The following MAST4 variants were observed in gnomAD, a reference collection of about 807,000 sequenced individuals.
MAST4 encodes microtubule-associated serine/threonine-protein kinase 4.
MAST4 carries 89 observed loss-of-function variants against 162.7 expected under a neutral mutation model. That is an observed-to-expected ratio of 0.55 (90% CI 0.46 to 0.65). The LOEUF (loss-of-function observed/expected upper bound fraction) is 0.65, where lower values mean the gene tolerates loss of function less well. MAST4 is among the 30% of genes least tolerant of loss of function. The pLI is 0.00. For synonymous variants in MAST4, 1,479 were observed against 1,361.1 expected, an observed-to-expected ratio of 1.09 and a Z score of -1.91; for missense variants, 3,153 against 3,374.0, an observed-to-expected ratio of 0.93 and a Z score of 1.62.
In MAST4 at chr5:67,142,548, G is replaced by T. The variant is rs1204425456; in HGVS notation, c.2730+15G>T. 4.1e-6 allele frequency: 6 copies of T among 1,477,532 alleles called. No homozygotes were observed. Among genetic ancestry groups the T allele is most frequent in the Non-Finnish European group, 3.7e-6 (4 of 1,076,058 alleles). 91.5% of individuals were successfully genotyped at this position (1,477,532 alleles called of 1,614,324 possible). Reference sequence around the variant, plus strand: ...GGTTTTCAAAAGTAAGTGAAATGTGGCATAAACATACAGAGTCTCTCTGGG... The same window carrying T: ...GGTTTTCAAAAGTAAGTGAAATGTGTCATAAACATACAGAGTCTCTCTGGG... On this transcript the variant is annotated intron_variant, in intron 21 of 28. Coordinates refer to ENST00000403625, the MANE Select transcript of MAST4 (RefSeq NM_001164664.2).
chr5:67,116,155 T>A (rs912814996), intron 12 of MAST4, among the ~76,000 whole-genome samples: 1 of 152,048 alleles, frequency 6.6e-6, no homozygotes, highest in African/African-American at 2.4e-5. Flanking sequence ...TTTTTAACTC[T>A]TGACAATTTA....
rs180734903 is a variant in MAST4, at chr5:66,782,054, T to A, written c.518-6616T>A. ...TAACACTCCCAGCACTTTGGGAGGC[T>A]GAGGTGGGTGGATCACTTGAGGTCA... On this transcript the variant is annotated intron_variant, in intron 2 of 28. Coordinates refer to ENST00000403625, the MANE Select transcript of MAST4 (RefSeq NM_001164664.2). 8.9e-3 allele frequency among the ~76,000 whole-genome samples: 1,357 copies of A among 152,126 alleles called. 23 individuals carry two copies. The highest frequency in any genetic ancestry group is 0.031 in the African/African-American group (1,300 of 41,508).
At chr5:66,701,818 AT>A (rs59684943) in intron 1 of MAST4, among the ~76,000 whole-genome samples, 2 of 151,770 alleles carry the variant, frequency 1.3e-5, no homozygotes, top group South Asian at 2.1e-4. Context: ...AGGTTATAGG[AT>A]TTTTTTTAAT....
chr5:66,807,697 AC>A (rs147418059), intron 3 of MAST4, among the ~76,000 whole-genome samples: 2,322 of 151,906 alleles, frequency 0.015, 60 homozygotes, highest in African/African-American at 0.052. Flanking sequence ...GCATTCTCAT[AC>A]TCATGGGAAC....
chr5:67,030,733 C>G (rs1755208636), intron 4 of MAST4, among the ~76,000 whole-genome samples: 1 of 152,138 alleles, frequency 6.6e-6, no homozygotes, highest in African/African-American at 2.4e-5. Flanking sequence ...TCTAAGTGTT[C>G]TGTACCTCAG....
intron 1 of MAST4, among the ~76,000 whole-genome samples, chr5:66,706,494 T>C (rs1036463089): frequency 1.3e-5 from 2 of 152,202 alleles, no homozygotes; most frequent in Non-Finnish European, 2.9e-5. Flanking sequence ...TTAAGGGACA[T>C]TTAGTACTTA....
intron 1 of MAST4, among the ~76,000 whole-genome samples, chr5:66,682,655 C>G (rs1012731092): frequency 6.6e-6 from 1 of 152,154 alleles, no homozygotes; most frequent in Non-Finnish European, 1.5e-5. Context: ...GGTATTGTTG[C>G]CTTAGAGAGT....
At chr5:66,635,664 G>C (rs1053495464) in intron 1 of MAST4, among the ~76,000 whole-genome samples, 1 of 151,858 alleles carries the variant, frequency 6.6e-6, no homozygotes, top group African/African-American at 2.4e-5. Context: ...ATAGAAACTT[G>C]ACCCATAAGA....
intron 12 of MAST4, among the ~76,000 whole-genome samples, chr5:67,115,877 G>T (rs1309186457): frequency 1.6e-4 from 23 of 144,056 alleles, no homozygotes; most frequent in Non-Finnish European, 2.8e-4. Context: ...CTTTTAATTT[G>T]TTTTTTTTTT....
At chr5:67,019,981 G>A (rs1253665723) in intron 4 of MAST4, among the ~76,000 whole-genome samples, 1 of 152,186 alleles carries the variant, frequency 6.6e-6, no homozygotes, top group Non-Finnish European at 1.5e-5. Context: ...AGGTTCCAAA[G>A]TAGGACAACC....
At position 66,648,067 on chromosome 5, in the gene MAST4, TGTGTGTGTGTGTGTGTGAGAGA is replaced by T. The variant is rs922270938; in HGVS notation, c.363+51051_363+51072del. On this transcript the variant is annotated intron_variant, in intron 1 of 28. Coordinates refer to ENST00000403625, the MANE Select transcript of MAST4 (RefSeq NM_001164664.2). ...GTGTGTGTGTGTGTGTGTGTGTGTG[TGTGTGTGTGTGTGTGTGAGAGA>T]GAGAGAGAGAGAGAGATTTAGTATT... Among the ~76,000 whole-genome samples, 12 of 117,362 alleles carry T rather than the reference TGTGTGTGTGTGTGTGTGAGAGA, an allele frequency of 1.0e-4. 1 individual carries two copies. The highest frequency in any genetic ancestry group is 2.7e-4 in the African/African-American group (8 of 30,182). 77.0% of individuals were successfully genotyped at this position (117,362 alleles called of 152,430 possible).
intron 4 of MAST4, among the ~76,000 whole-genome samples, chr5:66,918,827 G>GAT (rs1475123533): frequency 6.6e-6 from 1 of 152,024 alleles, no homozygotes; most frequent in Admixed American, 6.6e-5. Context: ...ATTATTGAAT[G>GAT]ATATATATAA....
At chr5:66,609,710 TTTTTTTTTGTTTTG>T (rs1354258083) in intron 1 of MAST4, among the ~76,000 whole-genome samples, 1 of 106,858 alleles carries the variant, frequency 9.4e-6, no homozygotes, top group Non-Finnish European at 2.0e-5. Flanking sequence ...TTTTTGTTTT[TTTTTTTTTGTTTTG>T]TTTTTAAAAC....
rs112514235 is a variant in MAST4, at chr5:66,874,324, T to C, written c.643-25627T>C. ...TAAAGGCCTCTGTTAAATAAAAATC[T>C]ATTTGATATGGGAGCATCAGGGACA... On this transcript the variant is annotated intron_variant, in intron 3 of 28. Transcript: ENST00000403625. Among the ~76,000 whole-genome samples the C allele has an allele frequency of 7.7e-3, 1,170 of 152,306 alleles. 20 individuals carry two copies. The highest frequency in any genetic ancestry group is 0.027 in the African/African-American group (1,112 of 41,554).
intron 2 of MAST4, among the ~76,000 whole-genome samples, chr5:66,764,619 A>G (rs1561315443): frequency 1.3e-5 from 2 of 152,162 alleles, no homozygotes; most frequent in Non-Finnish European, 2.9e-5. Flanking sequence ...CTTAGTTTTT[A>G]AACAAAAAAG....
chr5:67,088,195 T>C (rs180799165), intron 5 of MAST4, among the ~76,000 whole-genome samples: 113 of 152,294 alleles, frequency 7.4e-4, no homozygotes, highest in African/African-American at 2.3e-3. Context: ...AAGCTCTCTG[T>C]ATTGTTCTAG....
At chr5:66,886,659 C>T (rs1222758930) in intron 3 of MAST4, among the ~76,000 whole-genome samples, 2 of 148,680 alleles carry the variant, frequency 1.3e-5, no homozygotes, top group East Asian at 2.0e-4. Context: ...CTGTGTAATT[C>T]GTTAAGCATG....
intron 3 of MAST4, among the ~76,000 whole-genome samples, chr5:66,826,611 C>G (rs544892941): frequency 3.9e-4 from 60 of 152,244 alleles, no homozygotes; most frequent in African/African-American, 1.2e-3. Context: ...ACCACCCCCC[C>G]CAATCCCCCG....
At chr5:66,929,118 A>G (rs1016681908) in intron 4 of MAST4, among the ~76,000 whole-genome samples, 3 of 152,228 alleles carry the variant, frequency 2.0e-5, no homozygotes, top group African/African-American at 7.2e-5. Flanking sequence ...GAATGACAGT[A>G]GCATGGTTCA....
Sources: gnomAD v4.1 joint callset for allele counts (sites outside exome capture counted in the v4.1 genomes callset) on GRCh38, gnomAD v4.1.1 for gene constraint, MANE v1.5 for transcripts, NCBI Gene and HGNC (gene_info 2026-07-23, HGNC 2026-07-21) for gene names.